Variants in ADGRV1 observed in about 807,000 individuals in gnomAD.
ADGRV1 encodes the protein G-protein coupled receptor 98.
Under a neutral mutation model 596.2 loss-of-function variants are expected in ADGRV1, and 359 were observed. That is an observed-to-expected ratio of 0.60 (90% CI 0.55 to 0.66). The LOEUF (loss-of-function observed/expected upper bound fraction) is 0.66. Among genes scored for constraint, ADGRV1 ranks in the 30% least tolerant of loss-of-function variants. ADGRV1 has a pLI of 0.00. For missense variants in ADGRV1, 7,274 were observed against 7,575.6 expected, an observed-to-expected ratio of 0.96 and a Z score of 1.48; for synonymous variants, 2,681 against 2,679.2, an observed-to-expected ratio of 1.00 and a Z score of -0.02.
chr5:90,898,067 C>G (rs1225279154), intron 83 of ADGRV1, among the ~76,000 whole-genome samples: 1 of 152,134 alleles, frequency 6.6e-6, no homozygotes, highest in East Asian at 1.9e-4. Context: ...GATGTGTCCC[C>G]TAAGAAGCAC....
At chr5:90,947,711 A>T (rs908576372) in intron 83 of ADGRV1, among the ~76,000 whole-genome samples, 3 of 152,028 alleles carry the variant, frequency 2.0e-5, no homozygotes, top group Non-Finnish European at 4.4e-5. Context: ...CAGTACAGGC[A>T]CTCTACCTAA....
rs764379494 is a variant in ADGRV1, at chr5:90,694,429, C to T, written c.7673C>T (p.Pro2558Leu). ...MNISASLKNQ[P>L]TIGQPNISTV... ...ATTTCAGCCAGTTTGAAAAATCAGC[C>T]AACCATAGGACAGCCAAATATTTCT... The change falls in exon 33 of 90, where the codon CCA becomes CTA. Residue 2558 changes from proline (P) to leucine (L), a missense_variant. Physicochemically the swap from Pro to Leu is moderately conservative, Grantham distance 98. Coordinates refer to ENST00000405460, the MANE Select transcript of ADGRV1 (RefSeq NM_032119.4). 109 of 1,613,966 alleles carry T rather than the reference C, an allele frequency of 6.8e-5. No homozygotes were observed. Among genetic ancestry groups the T allele is most frequent in the Non-Finnish European group, 9.0e-5 (106 of 1,179,876 alleles).
In ADGRV1 at chr5:90,675,448, A is replaced by T; in HGVS notation, c.5313+3A>T. 6.2e-7 allele frequency: 1 copy of T among 1,610,888 alleles called. No homozygotes were observed. The highest frequency in any genetic ancestry group is 8.5e-7 in the Non-Finnish European group (1 of 1,177,992). On this transcript the variant is annotated splice_donor_region_variant and intron_variant, in intron 24 of 89. Coordinates refer to ENST00000405460, the MANE Select transcript of ADGRV1 (RefSeq NM_032119.4). ...CATTCAGTCCTGAGGATTACCAGGTAATTTACTCAGTCCTTTTGAAGTTGT... is the reference window on the plus strand; with the variant it reads ...CATTCAGTCCTGAGGATTACCAGGTTATTTACTCAGTCCTTTTGAAGTTGT...
Position 90,637,778 on chromosome 5 carries a change from G to C in ADGRV1, c.2070G>C (p.Trp690Cys), listed in dbSNP as rs770086902. The part of the protein sequence containing the change: ...DGTDGQATVY[W>C]SLKPSGFNSK... The stretch of plus-strand genomic sequence containing the variant: ...CTGATGGCCAGGCTACTGTCTACTG[G>C]AGTTTGAAGCCCTCTGGCTTTAATT... The change falls in exon 11 of 90, where the codon TGG (tryptophan) becomes TGC (cysteine). Residue 690 changes from tryptophan to cysteine, a missense_variant. Physicochemically the swap from Trp to Cys is radical, Grantham distance 215 (BLOSUM62 -2). Transcript: ENST00000405460. The C allele has an allele frequency of 1.2e-6, 2 of 1,613,532 alleles. No individual in the cohort carries two copies. The highest frequency in any genetic ancestry group is 2.2e-5 in the East Asian group (1 of 44,856).
rs1758907868 is a variant in ADGRV1 at position 90,587,467 on chromosome 5, G to C, written c.23-27368G>C. 3.3e-5 allele frequency among the ~76,000 whole-genome samples: 5 copies of C among 151,540 alleles called. No homozygotes were observed. The South Asian group carries it at 1.0e-3, about 32-fold the overall frequency. On this transcript the variant is annotated intron_variant, in intron 1 of 89. Coordinates refer to ENST00000405460, the MANE Select transcript of ADGRV1 (RefSeq NM_032119.4). ...TTTACAAAGAAAAAAGTCATGACGT[G>C]ATACTGATATTTCCAGTTTAAATTT...
intron 76 of ADGRV1, among the ~76,000 whole-genome samples, chr5:90,824,917 A>C (rs1426013890): frequency 6.6e-6 from 1 of 150,940 alleles, no homozygotes; most frequent in Non-Finnish European, 1.5e-5. Context: ...GCTTCCATCA[A>C]CCCTCTCAAC....
chr5:90,647,611 A>T lies in ADGRV1; in HGVS notation c.3136A>T (p.Thr1046Ser). ...VQYATKDGKA[T>S]ARERDFIPVE... is the part of the protein sequence containing the mutation. ...GTATGCTACCAAGGATGGGAAGGCT[A>T]CTGCAAGAGAGAGAGATTTCATTCC... The change falls in exon 17 of 90, where the codon ACT becomes TCT. Residue 1046 changes from threonine to serine, a missense_variant. Physicochemically the swap from Thr to Ser is moderately conservative, Grantham distance 58. Coordinates refer to ENST00000405460, the MANE Select transcript of ADGRV1 (RefSeq NM_032119.4). 1 of 1,614,002 alleles carries T rather than the reference A, an allele frequency of 6.2e-7. No individual in the cohort carries two copies. Among genetic ancestry groups the T allele is most frequent in the Non-Finnish European group, 8.5e-7 (1 of 1,179,880 alleles).
At chr5:90,577,102 G>T (rs1757332141) in intron 1 of ADGRV1, among the ~76,000 whole-genome samples, 1 of 152,110 alleles carries the variant, frequency 6.6e-6, no homozygotes. Context: ...CTTTTGCTGT[G>T]CAGAAGCTCT....
At chr5:90,685,684 G>T (rs1745533817) in intron 28 of ADGRV1, 96 bp from the exon 29 acceptor site, 2 of 595,570 alleles carry the variant, frequency 3.4e-6, no homozygotes, top group South Asian at 3.3e-5. Context: ...ATCCTATTTG[G>T]CTGATGGAAT....
intron 27 of ADGRV1, 104 bp from the exon 28 acceptor site, chr5:90,683,482 T>TA: frequency 1.1e-6 from 1 of 931,856 alleles, no homozygotes; most frequent in Non-Finnish European, 1.6e-6. Flanking sequence ...GAGAAGAACT[T>TA]ATATAAAATA....
intron 85 of ADGRV1, among the ~76,000 whole-genome samples, chr5:91,064,096 T>C (rs1290888981): frequency 6.6e-6 from 1 of 152,204 alleles, no homozygotes; most frequent in Non-Finnish European, 1.5e-5. Flanking sequence ...TACAGGATTT[T>C]CTATGCCATA....
intron 17 of ADGRV1, 78 bp from the exon 18 acceptor site, chr5:90,651,526 T>A: frequency 8.2e-7 from 1 of 1,222,190 alleles, no homozygotes; most frequent in African/African-American, 1.5e-5. Context: ...AATTGTAAAC[T>A]TTCTTAATTT....
intron 89 of ADGRV1, among the ~76,000 whole-genome samples, chr5:91,163,037 A>G (rs1797084695): frequency 6.6e-6 from 1 of 152,206 alleles, no homozygotes. Flanking sequence ...AGAAAAGAAC[A>G]TTGTTCTCTA....
chr5:91,034,361 C>G (rs1193027215), intron 85 of ADGRV1, among the ~76,000 whole-genome samples: 1 of 152,090 alleles, frequency 6.6e-6, no homozygotes, highest in Non-Finnish European at 1.5e-5. Context: ...TTAGACTGAA[C>G]AAAGTTTCCT....
At chr5:90,743,215 G>A (rs1190191838) in intron 50 of ADGRV1, among the ~76,000 whole-genome samples, 1 of 152,086 alleles carries the variant, frequency 6.6e-6, no homozygotes, top group African/African-American at 2.4e-5. Flanking sequence ...AAAACTTGAT[G>A]AAAAATATAT....
rs192296461 is a variant in ADGRV1 at position 90,742,268 on chromosome 5, A to G, written c.10550-2778A>G. ...TACTTTCATACTACAAAATGAGAGG[A>G]CTTGCCCTGGTCTAAGAGATGCCCA... On this transcript the variant is annotated intron_variant, in intron 50 of 89. Coordinates refer to ENST00000405460, the MANE Select transcript of ADGRV1 (RefSeq NM_032119.4). Among the ~76,000 whole-genome samples the G allele has an allele frequency of 2.0e-3, 298 of 152,314 alleles. 1 individual carries two copies. The highest frequency in any genetic ancestry group is 6.2e-3 in the African/African-American group (258 of 41,566).
At chr5:90,791,572 CACTT>C (rs1760083616) in intron 70 of ADGRV1, 1 of 515,714 alleles carries the variant, frequency 1.9e-6, no homozygotes, top group Non-Finnish European at 3.4e-6. Flanking sequence ...AAGTAACAGA[CACTT>C]ATTTAATACT....
intron 85 of ADGRV1, among the ~76,000 whole-genome samples, chr5:91,038,158 A>G (rs1420964175): frequency 1.3e-5 from 2 of 152,190 alleles, no homozygotes; most frequent in African/African-American, 4.8e-5. Flanking sequence ...AGAGTAGGGA[A>G]AACAATATTC....
At chr5:90,809,329 CTCTG>C (rs1218734136) in intron 73 of ADGRV1, among the ~76,000 whole-genome samples, 8 of 152,022 alleles carry the variant, frequency 5.3e-5, no homozygotes, top group Non-Finnish European at 7.4e-5. Context: ...CACACACACG[CTCTG>C]TCTCTCTTTA....
Sources: gnomAD v4.1 joint callset for allele counts (sites outside exome capture counted in the v4.1 genomes callset) on GRCh38, gnomAD v4.1.1 for gene constraint, MANE v1.5 for transcripts, NCBI Gene and HGNC (gene_info 2026-07-23, HGNC 2026-07-21) for gene names.